The following NALF1 variants were observed in gnomAD, a reference collection of about 807,000 sequenced individuals.
The protein encoded by NALF1 is NALCN channel auxiliary factor 1, also known as family with sequence similarity 155 member A.
A neutral mutation model predicts 48.4 loss-of-function variants in NALF1; 3 were observed. The observed-to-expected ratio is 0.06, with a 90% CI of 0.03 to 0.16. The LOEUF is 0.16. Among genes scored for constraint, NALF1 ranks in the 10% least tolerant of loss-of-function variants. NALF1 has a pLI of 1.00. For synonymous variants in NALF1, 262 were observed against 245.7 expected, an observed-to-expected ratio of 1.07 and a Z score of -0.62; for missense variants, 526 against 571.5, an observed-to-expected ratio of 0.92 and a Z score of 0.81.
intron 1 of NALF1, among the ~76,000 whole-genome samples, chr13:107,339,625 C>A (rs1269786952): frequency 6.6e-6 from 1 of 152,176 alleles, no homozygotes; most frequent in Non-Finnish European, 1.5e-5. Context: ...AGCACTGGCA[C>A]AGCGTCCCAT....
At chr13:107,743,328 A>G (rs1167759809) in intron 1 of NALF1, among the ~76,000 whole-genome samples, 5 of 152,212 alleles carry the variant, frequency 3.3e-5, no homozygotes, top group African/African-American at 1.2e-4. Flanking sequence ...ACCATGTTTC[A>G]GTCTCAACTT....
chr13:107,622,473 A>AC (rs1453515552), intron 1 of NALF1, among the ~76,000 whole-genome samples: 32 of 27,420 alleles, frequency 1.2e-3, no homozygotes, highest in African/African-American at 2.0e-3. Flanking sequence ...AACAACAACA[A>AC]AAAAAAAAAA....
chr13:107,837,447 G>T (rs4318081), intron 1 of NALF1, among the ~76,000 whole-genome samples: 5,887 of 152,060 alleles, frequency 0.039, 308 homozygotes, highest in African/African-American at 0.11. Flanking sequence ...GACATCAGTG[G>T]TCCTTTTCAT....
chr13:107,737,230 C>A (rs1316607442), intron 1 of NALF1, among the ~76,000 whole-genome samples: 1 of 152,164 alleles, frequency 6.6e-6, no homozygotes, highest in Non-Finnish European at 1.5e-5. Flanking sequence ...TTAATGATTT[C>A]ATGACACCAT....
At chr13:107,236,727 AT>A (rs1566460167) in intron 1 of NALF1, among the ~76,000 whole-genome samples, 66 of 131,968 alleles carry the variant, frequency 5.0e-4, no homozygotes, top group African/African-American at 1.8e-3. Context: ...CTATCTATCT[AT>A]CTATCTATCA....
chr13:107,266,205 G>A (rs1594096145), intron 1 of NALF1, among the ~76,000 whole-genome samples: 1 of 152,144 alleles, frequency 6.6e-6, no homozygotes, highest in East Asian at 1.9e-4. Context: ...TCACACTGAT[G>A]GGTGTACTCA....
chr13:107,404,941 T>C (rs772355010), intron 1 of NALF1, among the ~76,000 whole-genome samples: 1 of 152,094 alleles, frequency 6.6e-6, no homozygotes, highest in African/African-American at 2.4e-5. Flanking sequence ...GACAGTAAAG[T>C]TGCAATAATT....
intron 1 of NALF1, among the ~76,000 whole-genome samples, chr13:107,665,219 T>C (rs935351329): frequency 6.6e-6 from 1 of 152,150 alleles, no homozygotes; most frequent in Non-Finnish European, 1.5e-5. Flanking sequence ...TCAAGGTTTA[T>C]TTTTTCCTTA....
intron 1 of NALF1, among the ~76,000 whole-genome samples, chr13:107,411,540 C>G (rs1444130467): frequency 6.6e-6 from 1 of 152,120 alleles, no homozygotes; most frequent in African/African-American, 2.4e-5. Context: ...AGTTGTTCAA[C>G]TCTCACTGAG....
At chr13:107,364,127 T>G (rs1373733693) in intron 1 of NALF1, among the ~76,000 whole-genome samples, 1 of 152,258 alleles carries the variant, frequency 6.6e-6, no homozygotes, top group Non-Finnish European at 1.5e-5. Context: ...TGCTCAGTAC[T>G]GTTTTAAAGT....
chr13:107,562,310 C>G (rs984300994), intron 1 of NALF1, among the ~76,000 whole-genome samples: 2 of 152,138 alleles, frequency 1.3e-5, no homozygotes, highest in Admixed American at 1.3e-4. Flanking sequence ...AGTTTTATTT[C>G]TAAGAGAAAC....
At chr13:107,518,348 C>A (rs1200132449) in intron 1 of NALF1, among the ~76,000 whole-genome samples, 1 of 152,146 alleles carries the variant, frequency 6.6e-6, no homozygotes, top group African/African-American at 2.4e-5. Context: ...GTCTACTAAA[C>A]AGACTCAGCT....
intron 1 of NALF1, 39 bp from the exon 2 acceptor site, chr13:107,210,794 C>A (rs1879744801): frequency 2.7e-6 from 4 of 1,460,526 alleles, no homozygotes; most frequent in African/African-American, 2.8e-5. Context: ...AGAGGCGTGA[C>A]AACAGTTACA....
intron 1 of NALF1, among the ~76,000 whole-genome samples, chr13:107,380,538 G>A (rs888768193): frequency 2.0e-5 from 3 of 151,980 alleles, no homozygotes; most frequent in African/African-American, 4.8e-5. Flanking sequence ...AATTCTCCCC[G>A]GCCCCCACAC....
intron 1 of NALF1, among the ~76,000 whole-genome samples, chr13:107,308,520 G>T (rs1467495469): frequency 6.6e-6 from 1 of 152,062 alleles, no homozygotes; most frequent in Non-Finnish European, 1.5e-5. Context: ...GTTCTTGAAT[G>T]TCCATAGCAA....
chr13:107,299,325 G>A (rs899501579), intron 1 of NALF1, among the ~76,000 whole-genome samples: 2 of 151,876 alleles, frequency 1.3e-5, no homozygotes, highest in African/African-American at 2.4e-5. Flanking sequence ...TAGCTATTCG[G>A]GAGGCTGAGG....
chr13:107,687,512 A>ACAC (rs1377795420), intron 1 of NALF1, among the ~76,000 whole-genome samples: 6 of 151,104 alleles, frequency 4.0e-5, no homozygotes, highest in Non-Finnish European at 8.9e-5. Flanking sequence ...GCACACACAC[A>ACAC]CACACACATC....
chr13:107,450,488 C>A (rs1884722769), intron 1 of NALF1, among the ~76,000 whole-genome samples: 1 of 152,060 alleles, frequency 6.6e-6, no homozygotes, highest in South Asian at 2.1e-4. Context: ...TCAAGAAAAC[C>A]AACTGCAGGA....
At chr13:107,308,223 A>ACAG (rs565288523) in intron 1 of NALF1, among the ~76,000 whole-genome samples, 5,436 of 96,328 alleles carry the variant, frequency 0.056, 175 homozygotes, top group East Asian at 0.22. Context: ...TTTTTTTTAG[A>ACAG]CAGAGTCTCA....
Sources: allele counts gnomAD v4.1 joint callset (sites outside exome capture counted in the v4.1 genomes callset), GRCh38; gene constraint gnomAD v4.1.1; transcripts MANE v1.5; gene names NCBI Gene and HGNC (gene_info 2026-07-23, HGNC 2026-07-21).